EML5: variants seen among roughly 807,000 people sequenced by gnomAD.
EML5 encodes the protein echinoderm microtubule-associated protein-like 5.
Under a neutral mutation model 250.0 loss-of-function variants are expected in EML5, and 120 were observed. The ratio of observed to expected loss-of-function variants is 0.48; its 90% CI spans 0.41 to 0.56. The LOEUF is 0.56. Among genes scored for constraint, EML5 ranks in the 20% least tolerant of loss-of-function variants. The pLI is 0.00. For synonymous variants in EML5, 771 were observed against 806.5 expected (o/e 0.96, Z 0.75); for missense variants, 2,006 against 2,437.6 (o/e 0.82, Z 3.73).
chr14:88,786,873 C>A (rs565993545), intron 1 of EML5, among the ~76,000 whole-genome samples: 3 of 152,268 alleles, frequency 2.0e-5, no homozygotes, highest in African/African-American at 7.2e-5. Flanking sequence ...TCTTTATCAG[C>A]AGCATGAAAA....
intron 1 of EML5, among the ~76,000 whole-genome samples, chr14:88,775,775 C>G (rs1305124348): frequency 6.6e-6 from 1 of 152,178 alleles, no homozygotes; most frequent in Non-Finnish European, 1.5e-5. Flanking sequence ...AGGCAGTAAC[C>G]AGGGACTGAT....
intron 1 of EML5, among the ~76,000 whole-genome samples, chr14:88,762,875 A>G (rs1452033942): frequency 2.0e-5 from 3 of 152,204 alleles, no homozygotes; most frequent in Non-Finnish European, 4.4e-5. Context: ...AAACCATACA[A>G]CTACACGGAA....
chr14:88,713,828 C>T (rs899912993), intron 9 of EML5, among the ~76,000 whole-genome samples: 1 of 141,378 alleles, frequency 7.1e-6, no homozygotes, highest in South Asian at 2.3e-4. Flanking sequence ...TTAATATTTG[C>T]AAAGTTTATT....
intron 1 of EML5, among the ~76,000 whole-genome samples, chr14:88,773,849 T>A (rs1406509317): frequency 6.6e-6 from 1 of 152,154 alleles, no homozygotes; most frequent in Non-Finnish European, 1.5e-5. Context: ...CCGGGCATAG[T>A]GGCTCATGCC....
chr14:88,773,602 G>C (rs1421858939), intron 1 of EML5, among the ~76,000 whole-genome samples: 2 of 152,080 alleles, frequency 1.3e-5, no homozygotes, highest in Admixed American at 6.6e-5. Flanking sequence ...CAATCATTTG[G>C]GAAGCTTAAA....
intron 21 of EML5, among the ~76,000 whole-genome samples, chr14:88,680,253 G>A (rs977876690): frequency 2.6e-5 from 4 of 151,410 alleles, no homozygotes; most frequent in African/African-American, 9.7e-5. Context: ...CAATTTTTTT[G>A]GCAAAAACTC....
Position 88,714,388 on chromosome 14 carries a change from G to A in EML5, c.1444+551C>T, listed in dbSNP as rs116140151. 8.0e-3 allele frequency among the ~76,000 whole-genome samples: 1,217 copies of A among 152,292 alleles called. 15 individuals are homozygous for A. Among genetic ancestry groups the A allele is most frequent in the African/African-American group, 0.028 (1,155 of 41,558 alleles). ...TAGTTGCCAGGGACTGGGAGAGGTA[G>A]AGGTTGGTGGGGGCCGGGGTGGATA... is the stretch of plus-strand genomic sequence containing the variant. On this transcript the variant is annotated intron_variant, in intron 9 of 43. Coordinates refer to ENST00000554922, the MANE Select transcript of EML5 (RefSeq NM_183387.3).
chr14:88,631,126 G>A (rs1356921976), intron 33 of EML5, among the ~76,000 whole-genome samples: 2 of 152,270 alleles, frequency 1.3e-5, no homozygotes, highest in East Asian at 3.9e-4. Context: ...CTGAGGTGCA[G>A]TCTTAGGAGG....
intron 1 of EML5, among the ~76,000 whole-genome samples, chr14:88,788,008 T>C (rs895277077): frequency 1.3e-5 from 2 of 152,206 alleles, no homozygotes; most frequent in African/African-American, 4.8e-5. Flanking sequence ...ATTCTGACTT[T>C]GTGCGTTTGA....
intron 21 of EML5, among the ~76,000 whole-genome samples, chr14:88,670,591 C>T (rs1054730246): frequency 1.3e-5 from 2 of 152,108 alleles, no homozygotes; most frequent in Non-Finnish European, 2.9e-5. Flanking sequence ...CAGAAGTAGG[C>T]TTCAGAAGGT....
chr14:88,616,699 A>C (rs938639743), intron 42 of EML5, 27 bp downstream of exon 42: 2 of 1,598,838 alleles, frequency 1.3e-6, no homozygotes, highest in African/African-American at 2.7e-5. Context: ...GAGTAAACTG[A>C]TAATAGTAAA....
At chr14:88,645,556 G>A (rs545480122) in intron 29 of EML5, among the ~76,000 whole-genome samples, 3 of 152,140 alleles carry the variant, frequency 2.0e-5, no homozygotes, top group East Asian at 3.9e-4. Context: ...TTCTATGAAC[G>A]TTCCACACTG....
rs906013736 is a variant in EML5, at chr14:88,697,566, T to C, written c.2239-614A>G. 1.6e-4 allele frequency among the ~76,000 whole-genome samples: 24 copies of C among 152,212 alleles called. 1 individual carries two copies. Among genetic ancestry groups the C allele is most frequent in the Admixed American group, 1.4e-3 (21 of 15,270 alleles). ...ACTTATTTTTTAACTTGGTTTATGA[T>C]GTTCACTAATGCACAGGTAAACTAT... On this transcript the variant is annotated intron_variant, in intron 14 of 43. Coordinates refer to ENST00000554922, the MANE Select transcript of EML5 (RefSeq NM_183387.3).
chr14:88,616,358 C>T (rs2087614791), intron 42 of EML5, 116 bp from the exon 43 acceptor site: 5 of 987,698 alleles, frequency 5.1e-6, no homozygotes, highest in East Asian at 4.9e-5. Flanking sequence ...GAGTTAGCAC[C>T]GCAGCCAGTG....
intron 28 of EML5, among the ~76,000 whole-genome samples, chr14:88,647,758 A>C (rs2091428448): frequency 6.6e-6 from 1 of 152,026 alleles, no homozygotes; most frequent in African/African-American, 2.4e-5. Flanking sequence ...AAGGTGAAAA[A>C]AGAAAAAAAC....
chr14:88,706,614 A>G (rs931280158), intron 10 of EML5, among the ~76,000 whole-genome samples, 188 bp from the exon 11 acceptor site: 1 of 152,202 alleles, frequency 6.6e-6, no homozygotes, highest in African/African-American at 2.4e-5. Context: ...TCCTCTGCTG[A>G]TTCACAAGGA....
At chr14:88,697,804 C>T (rs919420824) in intron 14 of EML5, among the ~76,000 whole-genome samples, 3 of 152,066 alleles carry the variant, frequency 2.0e-5, no homozygotes, top group Admixed American at 6.5e-5. Flanking sequence ...GGCGCTATCT[C>T]GGCTCACCGC....
chr14:88,653,620 T>C (rs1472940140), intron 27 of EML5, among the ~76,000 whole-genome samples: 1 of 152,154 alleles, frequency 6.6e-6, no homozygotes, highest in Non-Finnish European at 1.5e-5. Flanking sequence ...GTATGTTGAA[T>C]GAGCTTTGCA....
chr14:88,690,699 T>C (rs186320078), intron 17 of EML5, among the ~76,000 whole-genome samples: 43 of 152,338 alleles, frequency 2.8e-4, no homozygotes, highest in Non-Finnish European at 4.4e-4. Flanking sequence ...TTATTTAAGA[T>C]GGCGAAATCA....
Sources: gnomAD v4.1 joint callset for allele counts (sites outside exome capture counted in the v4.1 genomes callset) on GRCh38, gnomAD v4.1.1 for gene constraint, MANE v1.5 for transcripts, NCBI Gene and HGNC (gene_info 2026-07-23, HGNC 2026-07-21) for gene names.